Variants in ZNF568 observed in about 807,000 individuals in gnomAD.
ZNF568 encodes the protein p53 inhibitor of SCO2 activation.
A neutral mutation model predicts 18.1 loss-of-function variants in ZNF568; 11 were observed. The observed-to-expected ratio is 0.61, with a 90% CI of 0.38 to 1.00. The LOEUF (loss-of-function observed/expected upper bound fraction) is 1.00, where lower values mean the gene tolerates loss of function less well. Ranked by LOEUF, ZNF568 falls within the 50% of genes least tolerant of loss-of-function variation. ZNF568 has a pLI of 0.01. For missense variants in ZNF568, 639 were observed against 768.2 expected (o/e 0.83, Z 1.99); for synonymous variants, 213 against 246.6 (o/e 0.86, Z 1.28).
intron 6 of ZNF568, among the ~76,000 whole-genome samples, chr19:36,944,284 G>C (rs945518446): frequency 6.6e-6 from 1 of 151,694 alleles, no homozygotes; most frequent in African/African-American, 2.4e-5. Context: ...TGTAATTCCA[G>C]CTACTCGGGA....
Position 36,952,018 on chromosome 19 carries a change from A to G in ZNF568, c.*930A>G. The G allele has an allele frequency of 1.2e-6, 1 of 845,878 alleles. No homozygotes were observed. The highest frequency in any genetic ancestry group is 1.9e-5 in the African/African-American group (1 of 51,522). The allele number at this position is 845,878 out of a possible 1,614,324, so 52.4% of individuals were successfully genotyped here. A position where few individuals can be genotyped will look rare whatever the true frequency, so the allele number is the denominator to read the frequency against. On this transcript the variant is annotated 3_prime_UTR_variant, in exon 7 of 7. Transcript: ENST00000333987. The stretch of plus-strand genomic sequence containing the variant: ...TGGGAGAAAATAGATGATATTGTCT[A>G]TGACGTTGAGGCCAAGGAGCTTTTT...
chr19:36,978,982 CTTTT>C (rs750326116), intron 7 of ZNF568: 432 of 259,796 alleles, frequency 1.7e-3, no homozygotes, highest in Middle Eastern at 5.9e-3. Flanking sequence ...TTGTAACTAT[CTTTT>C]TTTTTTTTTT....
At chr19:36,968,682 C>T (rs993824120) in intron 6 of ZNF568, among the ~76,000 whole-genome samples, 4 of 149,848 alleles carry the variant, frequency 2.7e-5, no homozygotes, top group African/African-American at 9.8e-5. Flanking sequence ...GACATGTGGC[C>T]ATTACCATCT....
At chr19:36,920,530 G>A (rs988429609) in intron 2 of ZNF568, among the ~76,000 whole-genome samples, 4 of 151,728 alleles carry the variant, frequency 2.6e-5, no homozygotes, top group African/African-American at 9.7e-5. Flanking sequence ...GGCTGAGGCA[G>A]GAGAATCACT....
At chr19:36,924,715 C>A (rs779062490) in intron 3 of ZNF568, among the ~76,000 whole-genome samples, 11 of 150,682 alleles carry the variant, frequency 7.3e-5, no homozygotes, top group Admixed American at 6.6e-4. Flanking sequence ...CCTATAATCC[C>A]AGCTACGTGG....
intron 6 of ZNF568, among the ~76,000 whole-genome samples, chr19:36,968,741 T>C (rs2074213904): frequency 1.3e-5 from 2 of 151,638 alleles, no homozygotes; most frequent in South Asian, 4.1e-4. Context: ...AAAAAACATG[T>C]TTAGTACTGA....
At chr19:36,944,942 A>T (rs562944026) in intron 6 of ZNF568, among the ~76,000 whole-genome samples, 1 of 152,090 alleles carries the variant, frequency 6.6e-6, no homozygotes, top group South Asian at 2.1e-4. Flanking sequence ...GTAATTTTCT[A>T]TGTGATTATG....
downstream of ZNF568, among the ~76,000 whole-genome samples, chr19:36,980,579 G>A (rs1288817296): frequency 2.6e-5 from 4 of 152,046 alleles, no homozygotes; most frequent in Non-Finnish European, 5.9e-5. Flanking sequence ...CCACCCTTAG[G>A]TATAATAATT....
chr19:36,918,243 C>T (rs1321923333), intron 2 of ZNF568, among the ~76,000 whole-genome samples: 1 of 152,176 alleles, frequency 6.6e-6, no homozygotes, highest in African/African-American at 2.4e-5. Flanking sequence ...CATGCCCAGC[C>T]TATTCTCTTC....
chr19:36,951,215 GGAAA>G lies in ZNF568; in HGVS notation c.*132_*135del. On this transcript the variant is annotated 3_prime_UTR_variant, in exon 7 of 7. Coordinates refer to ENST00000333987, the MANE Select transcript of ZNF568 (RefSeq NM_198539.4). The stretch of plus-strand genomic sequence containing the variant: ...TAAAAGGTGTAAGACTGGAATAAAT[GGAAA>G]GAAATACCATATACATAGATGGAAA... 1.1e-6 allele frequency: 1 copy of G among 883,910 alleles called. No individual in the cohort carries two copies. The highest frequency in any genetic ancestry group is 3.5e-5 in the Admixed American group (1 of 28,452). 54.8% of individuals were successfully genotyped at this position (883,910 alleles called of 1,614,324 possible).
intron 6 of ZNF568, chr19:36,974,337 G>T: frequency 8.3e-7 from 1 of 1,205,278 alleles, no homozygotes; most frequent in South Asian, 1.3e-5. Context: ...AGTGCCTGGG[G>T]TGGGGCAGGA....
intron 4 of ZNF568, among the ~76,000 whole-genome samples, chr19:36,929,237 T>C (rs967691074): frequency 1.6e-4 from 25 of 152,296 alleles, no homozygotes; most frequent in African/African-American, 5.8e-4. Context: ...TATTCTATTA[T>C]GTATCTTAAA....
chr19:36,961,712 AG>A (rs2074151583), intron 6 of ZNF568, among the ~76,000 whole-genome samples: 2 of 151,974 alleles, frequency 1.3e-5, no homozygotes, highest in Admixed American at 6.6e-5. Context: ...TAGTAGAGAT[AG>A]GGTTGTGCCA....
chr19:36,949,995 A>G lies in ZNF568; in HGVS notation c.842A>G (p.Asn281Ser), dbSNP rs1411961759. 3 of 1,613,958 alleles carry G rather than the reference A, an allele frequency of 1.9e-6. No individual in the cohort carries two copies. The highest frequency in any genetic ancestry group is 1.1e-5 in the South Asian group (1 of 91,064). The change falls in exon 7 of 7, where the codon AAT becomes AGT. Residue 281 changes from asparagine (N) to serine (S), a missense_variant. By Grantham distance (46) the Asn-to-Ser change is conservative. Coordinates refer to ENST00000333987, the MANE Select transcript of ZNF568 (RefSeq NM_198539.4). ...IHTGEKPYKCNECGKAFIQMS... is the reference protein window; with the variant it reads ...IHTGEKPYKCSECGKAFIQMS... ...ACTGGGGAAAAACCGTATAAGTGTA[A>G]TGAATGTGGAAAAGCTTTCATTCAG...
intron 6 of ZNF568, among the ~76,000 whole-genome samples, chr19:36,942,300 A>C (rs1379865327): frequency 6.6e-6 from 1 of 151,834 alleles, no homozygotes; most frequent in African/African-American, 2.4e-5. Context: ...TTCAAACATA[A>C]GAATAGAGAG....
At chr19:36,995,688 G>A (rs904776942) in intron 4 of ZNF568, among the ~76,000 whole-genome samples, 9 of 150,478 alleles carry the variant, frequency 6.0e-5, no homozygotes, top group South Asian at 2.1e-4. Flanking sequence ...ATATTGTTTC[G>A]TATACAGTAG....
intron 6 of ZNF568, 84 bp downstream of exon 6, chr19:36,937,326 A>T: frequency 3.4e-6 from 4 of 1,182,234 alleles, no homozygotes; most frequent in Non-Finnish European, 4.8e-6. Context: ...ACAATTTCCA[A>T]GATTTTCTTA....
chr19:36,941,271 A>G (rs911415625), intron 6 of ZNF568, among the ~76,000 whole-genome samples: 4 of 152,194 alleles, frequency 2.6e-5, no homozygotes, highest in Non-Finnish European at 5.9e-5. Flanking sequence ...TAGGAATGTT[A>G]TCATTTTGGG....
intron 6 of ZNF568, among the ~76,000 whole-genome samples, chr19:36,941,874 T>C (rs2073884232): frequency 6.6e-6 from 1 of 152,192 alleles, no homozygotes; most frequent in African/African-American, 2.4e-5. Flanking sequence ...AGTGCTGTGC[T>C]CTGACCTCAC....
Sources: gnomAD v4.1 joint callset for allele counts (sites outside exome capture counted in the v4.1 genomes callset) on GRCh38, gnomAD v4.1.1 for gene constraint, MANE v1.5 for transcripts, NCBI Gene and HGNC (gene_info 2026-07-23, HGNC 2026-07-21) for gene names.